The following ZNRF3 variants were observed in gnomAD, a reference collection of about 807,000 sequenced individuals.
The protein encoded by ZNRF3 is E3 ubiquitin-protein ligase ZNRF3.
In ZNRF3, 23 loss-of-function variants were observed where a neutral mutation model predicts 72.5. The observed-to-expected ratio is 0.32, with a 90% CI of 0.23 to 0.45. The LOEUF is 0.45. Ranked by LOEUF, ZNRF3 falls within the 20% of genes least tolerant of loss-of-function variation. The pLI is 1.00. For missense variants in ZNRF3, 1,169 were observed against 1,272.1 expected (o/e 0.92, Z 1.23); for synonymous variants, 610 against 545.3 (o/e 1.12, Z -1.65).
At chr22:28,896,177 C>G (rs1435819660) in intron 1 of ZNRF3, among the ~76,000 whole-genome samples, 2 of 151,982 alleles carry the variant, frequency 1.3e-5, no homozygotes, top group Non-Finnish European at 2.9e-5. Flanking sequence ...CTCTGTCGGC[C>G]AGGCTGGAGT....
intron 1 of ZNRF3, among the ~76,000 whole-genome samples, chr22:28,926,627 A>T (rs1304501137): frequency 2.7e-5 from 4 of 149,982 alleles, no homozygotes; most frequent in African/African-American, 9.8e-5. Flanking sequence ...GGCCAGTGAA[A>T]CCCCATCTCT....
chr22:29,040,964 A>G (rs987772055), intron 2 of ZNRF3, among the ~76,000 whole-genome samples: 1 of 152,084 alleles, frequency 6.6e-6, no homozygotes, highest in Non-Finnish European at 1.5e-5. Flanking sequence ...ACGGAAAGGA[A>G]TTTCAATTTT....
chr22:28,884,041 T>C lies in ZNRF3; in HGVS notation c.275T>C (p.Leu92Pro). 1.6e-6 allele frequency: 2 copies of C among 1,267,662 alleles called. No individual in the cohort carries two copies. Among genetic ancestry groups the C allele is most frequent in the Non-Finnish European group, 1.0e-6 (1 of 986,678 alleles). The allele number at this position is 1,267,662 out of a possible 1,614,324, so 78.5% of individuals were successfully genotyped here. A position where few individuals can be genotyped will look rare whatever the true frequency, so the allele number is the denominator to read the frequency against. ...CGCTTCTCGCGGGCCGGGGCCACGC[T>C]CAGCGCCGAGGGCGAGATCGTGCAG... ...TGRFSRAGATLSAEGEIVQMH... is the reference protein window; with the variant it reads ...TGRFSRAGATPSAEGEIVQMH... The change falls in exon 1 of 9, where the codon CTC (leucine) becomes CCC (proline). Residue 92 changes from leucine (L) to proline (P), a missense_variant. Leu to Pro is a moderately conservative substitution (Grantham distance 98). Transcript: ENST00000544604.
At position 29,050,568 on chromosome 22, in the gene ZNRF3, G is replaced by A. The variant is rs1419343615; in HGVS notation, c.2387G>A (p.Gly796Asp). ...QVARGGGGGS[G>D]CYTEDYSVSV... The stretch of plus-strand genomic sequence containing the variant: ...GCCCGCGGGGGCGGAGGGGGCAGCG[G>A]CTGCTACACTGAGGACTACTCGGTG... The change falls in exon 8 of 9, where the codon GGC becomes GAC. Residue 796 changes from glycine (G) to aspartate (D), a missense_variant. Around this residue, in one of 2 missense-constraint regions of ZNRF3, gnomAD observed 783 missense variants for 731.4 expected, o/e 1.07. Coordinates refer to ENST00000544604, the MANE Select transcript of ZNRF3 (RefSeq NM_001206998.2). 1.2e-6 allele frequency: 2 copies of A among 1,608,818 alleles called. No individual in the cohort carries two copies. Among genetic ancestry groups the A allele is most frequent in the Admixed American group, 1.7e-5 (1 of 59,476 alleles).
chr22:28,907,148 A>AAT (rs1569241434), intron 1 of ZNRF3, among the ~76,000 whole-genome samples: 5 of 134,418 alleles, frequency 3.7e-5, no homozygotes, highest in Admixed American at 7.4e-5. Flanking sequence ...ACGCCCGTCC[A>AAT]GTTTTTTTTT....
At chr22:28,967,961 A>G (rs535714082) in intron 1 of ZNRF3, among the ~76,000 whole-genome samples, 33 of 151,666 alleles carry the variant, frequency 2.2e-4, no homozygotes, top group African/African-American at 7.2e-4. Context: ...ACACAACTAT[A>G]TATATAGTGG....
At chr22:29,037,268 A>G (rs965687459) in intron 2 of ZNRF3, among the ~76,000 whole-genome samples, 2 of 152,164 alleles carry the variant, frequency 1.3e-5, no homozygotes, top group African/African-American at 4.8e-5. Context: ...CACACTGGGG[A>G]GAATGCCAGA....
At chr22:28,885,651 C>CTT (rs2033771866) in intron 1 of ZNRF3, among the ~76,000 whole-genome samples, 1 of 144,706 alleles carries the variant, frequency 6.9e-6, no homozygotes, top group Non-Finnish European at 1.5e-5. Flanking sequence ...TTGAAGGAGA[C>CTT]TTTTGAAGTT....
intron 2 of ZNRF3, among the ~76,000 whole-genome samples, chr22:28,996,129 G>C (rs934897207): frequency 6.6e-6 from 1 of 151,228 alleles, no homozygotes; most frequent in Admixed American, 6.6e-5. Flanking sequence ...TTTCGAGGCA[G>C]GGTCTTACTA....
intron 2 of ZNRF3, among the ~76,000 whole-genome samples, chr22:29,033,350 C>CA (rs60310622): frequency 0.12 from 7,802 of 65,514 alleles, 687 homozygotes; most frequent in African/African-American, 0.23. Context: ...GACTCCATCT[C>CA]AAAAAAAAAA....
chr22:28,953,556 A>T (rs1053927480), intron 1 of ZNRF3, among the ~76,000 whole-genome samples: 1 of 152,216 alleles, frequency 6.6e-6, no homozygotes, highest in Admixed American at 6.5e-5. Flanking sequence ...CTGGAATATG[A>T]GTAAAGAACA....
Position 29,055,256 on chromosome 22 carries a change from A to G in ZNRF3, c.*1634A>G, listed in dbSNP as rs1401425036. 6.6e-6 allele frequency: 1 copy of G among 152,146 alleles called. No homozygotes were observed. Among genetic ancestry groups the G allele is most frequent in the African/African-American group, 2.4e-5 (1 of 41,408 alleles). The allele number at this position is 152,146 out of a possible 1,614,324, so 9.4% of individuals were successfully genotyped here. ...TTTGTGTTCACTAACTCTTCTGGTCACTTGTATTTATTTATTCATTCATTC... is the reference window on the plus strand; with the variant it reads ...TTTGTGTTCACTAACTCTTCTGGTCGCTTGTATTTATTTATTCATTCATTC... On this transcript the variant is annotated 3_prime_UTR_variant, in exon 9 of 9. Coordinates refer to ENST00000544604, the MANE Select transcript of ZNRF3 (RefSeq NM_001206998.2).
At chr22:28,992,005 A>G (rs2035961794) in intron 2 of ZNRF3, among the ~76,000 whole-genome samples, 1 of 151,692 alleles carries the variant, frequency 6.6e-6, no homozygotes, top group Non-Finnish European at 1.5e-5. Flanking sequence ...AAAAAATAAT[A>G]AGCTGGGCAT....
chr22:28,932,872 G>A (rs2034732520), intron 1 of ZNRF3, among the ~76,000 whole-genome samples: 1 of 152,174 alleles, frequency 6.6e-6, no homozygotes, highest in South Asian at 2.1e-4. Flanking sequence ...TACCAGCAGT[G>A]AATCTTTAAT....
intron 1 of ZNRF3, among the ~76,000 whole-genome samples, chr22:28,951,472 A>C (rs1336643971): frequency 6.6e-6 from 1 of 152,238 alleles, no homozygotes; most frequent in East Asian, 1.9e-4. Flanking sequence ...AAGAAACACC[A>C]AAGACTGCCA....
chr22:29,023,371 G>A (rs980947401), intron 2 of ZNRF3, among the ~76,000 whole-genome samples: 9 of 152,178 alleles, frequency 5.9e-5, no homozygotes, highest in African/African-American at 1.9e-4. Context: ...TCTTGGACAT[G>A]GGACTAGGTG....
chr22:28,976,178 A>C (rs1207666205), intron 1 of ZNRF3, among the ~76,000 whole-genome samples: 3 of 152,108 alleles, frequency 2.0e-5, no homozygotes, highest in African/African-American at 7.2e-5. Context: ...ATAAACATAT[A>C]AATGAGGCAG....
intron 2 of ZNRF3, among the ~76,000 whole-genome samples, chr22:29,019,128 A>C (rs932858379): frequency 6.6e-5 from 10 of 152,164 alleles, no homozygotes; most frequent in African/African-American, 2.4e-4. Context: ...AGAGAGGGCA[A>C]GCATGAACAC....
At chr22:28,928,270 A>G (rs190075430) in intron 1 of ZNRF3, among the ~76,000 whole-genome samples, 1 of 152,250 alleles carries the variant, frequency 6.6e-6, no homozygotes, top group Admixed American at 6.5e-5. Context: ...TCTCTTACAT[A>G]CACTTAGTTT....
Sources: gnomAD v4.1 joint callset for allele counts (sites outside exome capture counted in the v4.1 genomes callset) on GRCh38, gnomAD v4.1.1 for gene constraint, gnomAD v4.1.1 regional missense constraint, MANE v1.5 for transcripts, NCBI Gene and HGNC (gene_info 2026-07-23, HGNC 2026-07-21) for gene names.